HACD2: variants seen among roughly 807,000 people sequenced by gnomAD.
HACD2 encodes the protein very-long-chain (3R)-3-hydroxyacyl-CoA dehydratase 2.
Under a neutral mutation model 31.0 loss-of-function variants are expected in HACD2, and 15 were observed. The ratio of observed to expected loss-of-function variants is 0.48; its 90% CI spans 0.32 to 0.75. The LOEUF (loss-of-function observed/expected upper bound fraction) is 0.75. Ranked by LOEUF, HACD2 falls within the 30% of genes least tolerant of loss-of-function variation. HACD2 has a pLI of 0.03. For missense variants in HACD2, 283 were observed against 313.0 expected, an observed-to-expected ratio of 0.90 and a Z score of 0.72; for synonymous variants, 115 against 122.2, an observed-to-expected ratio of 0.94 and a Z score of 0.39.
chr3:123,539,685 G>A (rs1257088241), intron 3 of HACD2, among the ~76,000 whole-genome samples: 13 of 151,762 alleles, frequency 8.6e-5, no homozygotes, highest in Admixed American at 8.5e-4. Context: ...TGCAGAGAAG[G>A]CCTGTGCACC....
In HACD2 at chr3:123,492,038, T is replaced by G. The variant is rs2055769994; in HGVS notation, c.*2850A>C. 6.6e-6 allele frequency: 1 copy of G among 152,210 alleles called. No homozygotes were observed. Among genetic ancestry groups the G allele is most frequent in the East Asian group, 1.9e-4 (1 of 5,202 alleles). 9.4% of individuals were successfully genotyped at this position (152,210 alleles called of 1,614,324 possible). A position where few individuals can be genotyped will look rare whatever the true frequency, so the allele number is the denominator to read the frequency against. On this transcript the variant is annotated 3_prime_UTR_variant, in exon 7 of 7. Coordinates refer to ENST00000383657, the MANE Select transcript of HACD2 (RefSeq NM_198402.5). ...CTCTCCAGCATCTAAACCTTTCCTG[T>G]CAGAAGTCTGCTCTGGAGACTTTTT...
At chr3:123,520,974 A>C (rs1490597474) in intron 4 of HACD2, among the ~76,000 whole-genome samples, 1 of 152,174 alleles carries the variant, frequency 6.6e-6, no homozygotes, top group African/African-American at 2.4e-5. Flanking sequence ...TTTCTATGAC[A>C]GTTTCCTAAA....
rs2055765972 is a variant in HACD2, at chr3:123,491,823, T to C, written c.*3065A>G. ...ACAAAAATGACTATATATACGGTTGTACAATTTTTTACCCAAATTTCAAAG... is the reference window on the plus strand; with the variant it reads ...ACAAAAATGACTATATATACGGTTGCACAATTTTTTACCCAAATTTCAAAG... On this transcript the variant is annotated 3_prime_UTR_variant, in exon 7 of 7. Coordinates refer to ENST00000383657, the MANE Select transcript of HACD2 (RefSeq NM_198402.5). 1 of 152,642 alleles carries C rather than the reference T, an allele frequency of 6.6e-6. No individual in the cohort carries two copies. The highest frequency in any genetic ancestry group is 1.5e-5 in the Non-Finnish European group (1 of 68,038). The allele number at this position is 152,642 out of a possible 1,614,324, so 9.5% of individuals were successfully genotyped here.
chr3:123,570,917 T>TAC (rs149856963), intron 2 of HACD2, among the ~76,000 whole-genome samples: 14,271 of 144,768 alleles, frequency 0.099, 1,279 homozygotes, highest in African/African-American at 0.25. Flanking sequence ...TTCATACCAT[T>TAC]ACACACACAC....
intron 2 of HACD2, among the ~76,000 whole-genome samples, chr3:123,573,632 C>A (rs1187622573): frequency 3.3e-5 from 5 of 152,100 alleles, no homozygotes; most frequent in Admixed American, 3.3e-4. Context: ...ATGTCCTCAG[C>A]CTTTATCACT....
At chr3:123,506,924 A>G (rs73188536) in intron 4 of HACD2, among the ~76,000 whole-genome samples, 8,428 of 152,280 alleles carry the variant, frequency 0.055, 350 homozygotes, top group Non-Finnish European at 0.084. Flanking sequence ...TTTTGAATTT[A>G]TAACTAGAAA....
chr3:123,504,748 C>G (rs1375580761), intron 4 of HACD2, among the ~76,000 whole-genome samples: 1 of 152,144 alleles, frequency 6.6e-6, no homozygotes, highest in Middle Eastern at 3.2e-3. Context: ...ACTAGGGATG[C>G]AGGAAATGAC....
In HACD2 at chr3:123,585,003, C is replaced by T. The variant is rs762215697; in HGVS notation, c.25G>A (p.Ala9Thr). 62 of 1,515,648 alleles carry T rather than the reference C, an allele frequency of 4.1e-5. No individual in the cohort carries two copies. In the Middle Eastern group the frequency reaches 7.9e-4, roughly 19 times the overall value. The allele number at this position is 1,515,648 out of a possible 1,614,324, so 93.9% of individuals were successfully genotyped here. The change falls in exon 1 of 7, where the codon GCA becomes ACA. Residue 9 changes from alanine to threonine, a missense_variant. Transcript: ENST00000383657. ...CCGCCGCCCCCATTCCCCTTCGCTGCTGCAGTCGCCGCCACTGCCGCCATG... is the reference window on the plus strand; with the variant it reads ...CCGCCGCCCCCATTCCCCTTCGCTGTTGCAGTCGCCGCCACTGCCGCCATG... MAAVAATA[A>T]AKGNGGGGGR... is the part of the protein sequence containing the mutation.
At chr3:123,508,941 T>G (rs934176580) in intron 4 of HACD2, among the ~76,000 whole-genome samples, 6 of 152,162 alleles carry the variant, frequency 3.9e-5, no homozygotes, top group Non-Finnish European at 8.8e-5. Flanking sequence ...ATGGTATCTT[T>G]TTTCATAAGG....
At chr3:123,501,360 C>G (rs1402521425) in intron 5 of HACD2, among the ~76,000 whole-genome samples, 1 of 152,174 alleles carries the variant, frequency 6.6e-6, no homozygotes, top group African/African-American at 2.4e-5. Flanking sequence ...TCTCCATATT[C>G]CACAAAGAAT....
At chr3:123,563,359 C>T (rs933542222) in intron 3 of HACD2, among the ~76,000 whole-genome samples, 1 of 152,156 alleles carries the variant, frequency 6.6e-6, no homozygotes, top group Non-Finnish European at 1.5e-5. Context: ...AGAGCCTGGG[C>T]ACAGCGCAGA....
intron 3 of HACD2, among the ~76,000 whole-genome samples, chr3:123,534,029 A>AGTGTGTGTGTGTGT (rs62840760): frequency 4.0e-5 from 6 of 149,954 alleles, no homozygotes; most frequent in African/African-American, 7.3e-5. Context: ...AACATAGTGG[A>AGTGTGTGTGTGTGT]GTGTGTGTGT....
chr3:123,551,351 G>C (rs2056617902), intron 3 of HACD2, among the ~76,000 whole-genome samples: 1 of 152,118 alleles, frequency 6.6e-6, no homozygotes, highest in Non-Finnish European at 1.5e-5. Context: ...GGGCACGGTG[G>C]CTCACACTTG....
chr3:123,542,125 C>T (rs143141490), intron 3 of HACD2, among the ~76,000 whole-genome samples: 3 of 97,766 alleles, frequency 3.1e-5, no homozygotes, highest in East Asian at 3.2e-4. Context: ...CCAGCCTGGG[C>T]GACAGAGCGA....
intron 2 of HACD2, among the ~76,000 whole-genome samples, chr3:123,580,824 G>T (rs1396739374): frequency 6.7e-6 from 1 of 150,120 alleles, no homozygotes; most frequent in Non-Finnish European, 1.5e-5. Context: ...AAAGGTAGAG[G>T]TATCACACTT....
rs1237216821 is a variant in HACD2 at position 123,518,015 on chromosome 3, ACCCCG to A, written c.381+10366_381+10370del. 4.2e-4 allele frequency among the ~76,000 whole-genome samples: 2 copies of A among 4,782 alleles called. 1 individual carries two copies. Among genetic ancestry groups the A allele is most frequent in the African/African-American group, 4.4e-4 (2 of 4,546 alleles). 3.1% of individuals were successfully genotyped at this position (4,782 alleles called of 152,430 possible). ...AGACCATCCCGGCTAAAACGGTGAA[ACCCCG>A]TCTCTACTAAAAATACAAAAAATTA... On this transcript the variant is annotated intron_variant, in intron 4 of 6. Coordinates refer to ENST00000383657, the MANE Select transcript of HACD2 (RefSeq NM_198402.5).
chr3:123,563,941 G>A (rs2107743895), intron 3 of HACD2, among the ~76,000 whole-genome samples: 1 of 152,276 alleles, frequency 6.6e-6, no homozygotes, highest in Non-Finnish European at 1.5e-5. Context: ...AAGATACATG[G>A]GAATCCAGAT....
At chr3:123,526,687 T>C (rs2056288313) in intron 4 of HACD2, among the ~76,000 whole-genome samples, 1 of 152,198 alleles carries the variant, frequency 6.6e-6, no homozygotes, top group African/African-American at 2.4e-5. Flanking sequence ...TGAAACCGTC[T>C]GTTATATGTT....
chr3:123,546,395 C>G (rs1268584130), intron 3 of HACD2, among the ~76,000 whole-genome samples: 1 of 152,184 alleles, frequency 6.6e-6, no homozygotes, highest in Admixed American at 6.5e-5. Context: ...GAACACTGAT[C>G]TCATCTGGGT....
Sources: gnomAD v4.1 joint callset for allele counts (sites outside exome capture counted in the v4.1 genomes callset) on GRCh38, gnomAD v4.1.1 for gene constraint, MANE v1.5 for transcripts, NCBI Gene and HGNC (gene_info 2026-07-23, HGNC 2026-07-21) for gene names.